Variants in TENM3 observed in about 807,000 individuals in gnomAD.
The protein encoded by TENM3 is teneurin-3.
In TENM3, 63 loss-of-function variants were observed where a neutral mutation model predicts 255.1. The observed-to-expected ratio is 0.25, with a 90% CI of 0.20 to 0.30. The LOEUF (loss-of-function observed/expected upper bound fraction) is 0.30. Among genes scored for constraint, TENM3 ranks in the 10% least tolerant of loss-of-function variants. The pLI is 1.00. For synonymous variants in TENM3, 1,306 were observed against 1,322.3 expected (o/e 0.99, Z 0.27); for missense variants, 2,929 against 3,461.1 (o/e 0.85, Z 3.86).
the TENM3 span, among the ~76,000 whole-genome samples, chr4:181,597,708 C>G: frequency 6.6e-6 from 1 of 152,094 alleles, no homozygotes; most frequent in Non-Finnish European, 1.5e-5. Context: ...TTTTGAAACA[C>G]ACTGGGAAGA....
intron 3 of TENM3, among the ~76,000 whole-genome samples, chr4:182,368,315 T>G (rs964911297): frequency 6.6e-6 from 1 of 152,116 alleles, no homozygotes; most frequent in African/African-American, 2.4e-5. Context: ...CACCTTTGAG[T>G]CTCAATCCTG....
Position 182,486,972 on chromosome 4 carries a change from C to G in TENM3, c.512-113952C>G, listed in dbSNP as rs17073378. On this transcript the variant is annotated intron_variant, in intron 3 of 27. Coordinates refer to ENST00000511685, the MANE Select transcript of TENM3 (RefSeq NM_001080477.4). Reference sequence around the variant, plus strand: ...CAAAGCATTGTATTACATGACGAGACCCCCTGTTTTCTCTTTTCTCTTCCT... The same window carrying G: ...CAAAGCATTGTATTACATGACGAGAGCCCCTGTTTTCTCTTTTCTCTTCCT... Among the ~76,000 whole-genome samples the G allele has an allele frequency of 4.9e-3, 739 of 152,268 alleles. 4 individuals are homozygous for G. Among genetic ancestry groups the G allele is most frequent in the African/African-American group, 0.017 (715 of 41,558 alleles).
At chr4:182,167,788 G>A (rs747827145) in intron 1 of TENM3, among the ~76,000 whole-genome samples, 2 of 152,086 alleles carry the variant, frequency 1.3e-5, no homozygotes, top group Non-Finnish European at 2.9e-5. Flanking sequence ...AGGAGTCTGA[G>A]GTGGGAGAAT....
At position 182,754,633 on chromosome 4, in the gene TENM3, T is replaced by C. The variant is rs1227782364; in HGVS notation, c.4266T>C (p.Asp1422=). Residue 1422 remains aspartate (D), a synonymous_variant, in exon 22 of 28, where the codon GAT becomes GAC. Transcript: ENST00000511685. This position sits in a 1 kb window ranked among gnomAD's most constrained non-coding sequence, Gnocchi z 5.1. ...YSGVLYITET[D]EKKINRIRQV... ...GGGTCCTGTACATTACTGAAACTGA[T>C]GAGAAGAAAATTAACCGGATAAGGC... 1.2e-6 allele frequency: 2 copies of C among 1,613,974 alleles called. No individual in the cohort carries two copies. Among genetic ancestry groups the C allele is most frequent in the South Asian group, 1.1e-5 (1 of 91,084 alleles).
the TENM3 span, among the ~76,000 whole-genome samples, chr4:181,946,605 T>C: frequency 6.6e-6 from 1 of 152,222 alleles, no homozygotes; most frequent in Admixed American, 6.5e-5. Flanking sequence ...CCAAAGACCA[T>C]GGCCAATTTA....
the TENM3 span, among the ~76,000 whole-genome samples, chr4:181,745,405 GGAA>G: frequency 1.3e-5 from 2 of 152,118 alleles, no homozygotes; most frequent in Non-Finnish European, 2.9e-5. Flanking sequence ...AGCTGTAGAC[GGAA>G]GAAGGGAGAA....
chr4:182,155,641 G>A (rs1218355233), intron 1 of TENM3, among the ~76,000 whole-genome samples: 2 of 152,032 alleles, frequency 1.3e-5, no homozygotes, highest in Non-Finnish European at 1.5e-5. Flanking sequence ...GCCTAGAAAT[G>A]AGCCAGATGT....
chr4:182,419,158 G>A (rs1302601162), intron 3 of TENM3, among the ~76,000 whole-genome samples: 1 of 152,086 alleles, frequency 6.6e-6, no homozygotes, highest in Admixed American at 6.6e-5. Flanking sequence ...TGTACTAAAT[G>A]TGTTACCCAT....
At chr4:181,644,292 G>A in the TENM3 span, among the ~76,000 whole-genome samples, 1 of 152,110 alleles carries the variant, frequency 6.6e-6, no homozygotes, top group South Asian at 2.1e-4. Flanking sequence ...TTCTCAAGAT[G>A]CACCAGGTCA....
the TENM3 span, among the ~76,000 whole-genome samples, chr4:181,622,264 T>C: frequency 6.6e-6 from 1 of 152,176 alleles, no homozygotes; most frequent in African/African-American, 2.4e-5. Context: ...CTCGTTTCCC[T>C]TTCCTCTCAC....
At chr4:182,169,388 A>C (rs2149685913) in intron 1 of TENM3, 1 of 450,370 alleles carries the variant, frequency 2.2e-6, no homozygotes, top group East Asian at 7.1e-5. Flanking sequence ...CCAAAAATTC[A>C]AGTAAAAATC....
chr4:181,850,120 A>G, the TENM3 span, among the ~76,000 whole-genome samples: 5 of 150,808 alleles, frequency 3.3e-5, no homozygotes, highest in East Asian at 2.0e-4. Context: ...ATATTTCCCA[A>G]TTCATTCACT....
intron 1 of TENM3, among the ~76,000 whole-genome samples, chr4:182,270,838 T>A (rs2150215240): frequency 6.6e-6 from 1 of 152,308 alleles, no homozygotes; most frequent in African/African-American, 2.4e-5. Flanking sequence ...TTTAATATTC[T>A]TAGAGCTCAC....
intron 3 of TENM3, among the ~76,000 whole-genome samples, chr4:182,449,463 A>G (rs558562680): frequency 7.5e-5 from 1 of 13,312 alleles, no homozygotes; most frequent in Non-Finnish European, 4.8e-4. Context: ...TTTTAATTAG[A>G]TGGATTTTTT....
the TENM3 span, among the ~76,000 whole-genome samples, chr4:182,095,508 T>C: frequency 1.4e-4 from 21 of 151,902 alleles, 1 homozygote; most frequent in African/African-American, 4.8e-4. Context: ...CTCATAGAGG[T>C]TGAGAGTAGA....
chr4:182,375,865 C>T (rs1767148932), intron 3 of TENM3, among the ~76,000 whole-genome samples: 1 of 152,066 alleles, frequency 6.6e-6, no homozygotes, highest in Admixed American at 6.5e-5. Context: ...GTTGTGGGTG[C>T]TTTTTAAAAC....
chr4:181,679,120 C>T, the TENM3 span, among the ~76,000 whole-genome samples: 7 of 152,186 alleles, frequency 4.6e-5, no homozygotes, highest in South Asian at 1.4e-3. Context: ...GAGTCTTGGC[C>T]AGTCCCAGCA....
the TENM3 span, among the ~76,000 whole-genome samples, chr4:181,474,670 G>A: frequency 6.6e-6 from 1 of 151,282 alleles, no homozygotes; most frequent in African/African-American, 2.4e-5. Context: ...GGGAGGCGGA[G>A]GTTGCAGCAA....
At chr4:181,802,211 T>C in the TENM3 span, among the ~76,000 whole-genome samples, 2 of 152,190 alleles carry the variant, frequency 1.3e-5, no homozygotes, top group African/African-American at 4.8e-5. Context: ...GCAGCTATAA[T>C]GGGTACTATT....
Sources: allele counts gnomAD v4.1 joint callset (sites outside exome capture counted in the v4.1 genomes callset), GRCh38; gene constraint gnomAD v4.1.1; non-coding constraint Gnocchi (gnomAD v3.1); transcripts MANE v1.5; gene names NCBI Gene and HGNC (gene_info 2026-07-23, HGNC 2026-07-21).